LINGO1: variants seen among roughly 807,000 people sequenced by gnomAD.
LINGO1 encodes the protein leucine-rich repeat and immunoglobulin-like domain-containing nogo receptor-interacting protein 1.
A neutral mutation model predicts 37.3 loss-of-function variants in LINGO1; 11 were observed. The ratio of observed to expected loss-of-function variants is 0.29; its 90% CI spans 0.19 to 0.49. The LOEUF is 0.49. Among genes scored for constraint, LINGO1 ranks in the 20% least tolerant of loss-of-function variants. The pLI, the probability that LINGO1 is intolerant of heterozygous loss-of-function variation, is 0.99. For missense variants in LINGO1, 585 were observed against 878.2 expected, an observed-to-expected ratio of 0.67 and a Z score of 4.22; for synonymous variants, 387 against 403.0, an observed-to-expected ratio of 0.96 and a Z score of 0.48.
At chr15:77,669,888 T>C (rs926843872) in intron 3 of LINGO1, among the ~76,000 whole-genome samples, 2 of 152,144 alleles carry the variant, frequency 1.3e-5, no homozygotes, top group African/African-American at 4.8e-5. Flanking sequence ...TTGAAAACAC[T>C]TGTGCACAAA....
At chr15:77,796,821 C>T (rs565174717) in intron 1 of LINGO1, among the ~76,000 whole-genome samples, 19 of 152,292 alleles carry the variant, frequency 1.2e-4, no homozygotes, top group African/African-American at 4.3e-4. Flanking sequence ...AGCGATCCTC[C>T]CACCTCAGCC....
chr15:77,794,590 AT>A (rs370121489), intron 2 of LINGO1, among the ~76,000 whole-genome samples: 49,254 of 93,280 alleles, frequency 0.53, 13,318 homozygotes, highest in Non-Finnish European at 0.63. Context: ...ATATATATAT[AT>A]TTTTTTTTTT....
intron 1 of LINGO1, among the ~76,000 whole-genome samples, chr15:77,758,045 G>A (rs1402661983): frequency 6.6e-6 from 1 of 152,198 alleles, no homozygotes; most frequent in Non-Finnish European, 1.5e-5. Context: ...TTTCAGCAAA[G>A]TGAGGCTAAT....
rs529424062 is a variant in LINGO1 at position 77,631,745 on chromosome 15, A to T, written c.6+565T>A. The stretch of plus-strand genomic sequence containing the variant: ...CGTTCCTGGGCGCTCCCGGTCCCCA[A>T]CTCCCTTCCTTCCACTCTCCCTACT... On this transcript the variant is annotated intron_variant, in intron 1 of 1. Coordinates refer to ENST00000355300, the MANE Select transcript of LINGO1 (RefSeq NM_032808.7). 2.6e-5 allele frequency among the ~76,000 whole-genome samples: 4 copies of T among 152,160 alleles called. No homozygotes were observed. In the South Asian group the frequency reaches 8.3e-4, roughly 32 times the overall value.
chr15:77,636,204 G>T (rs2074392833), upstream of LINGO1, among the ~76,000 whole-genome samples: 1 of 152,188 alleles, frequency 6.6e-6, no homozygotes, highest in South Asian at 2.1e-4. Flanking sequence ...ACTCTGAGAG[G>T]CTGAGGAGGC....
At chr15:77,800,513 TCC>T (rs1356489104) in intron 1 of LINGO1, among the ~76,000 whole-genome samples, 2 of 151,770 alleles carry the variant, frequency 1.3e-5, no homozygotes, top group South Asian at 2.1e-4. Context: ...GGGCCACCCC[TCC>T]CCTCCCCCAG....
upstream of LINGO1, among the ~76,000 whole-genome samples, chr15:77,789,671 T>C (rs2076803097): frequency 6.6e-6 from 1 of 152,108 alleles, no homozygotes; most frequent in South Asian, 2.1e-4. Context: ...AATGTGGCCA[T>C]GTAAAGAGAC....
At chr15:77,660,061 C>G (rs2074954646) in intron 3 of LINGO1, 1 of 152,222 alleles carries the variant, frequency 6.6e-6, no homozygotes, top group African/African-American at 2.4e-5. Flanking sequence ...GATCATCAGA[C>G]CATTCTGAAG....
intron 3 of LINGO1, among the ~76,000 whole-genome samples, chr15:77,642,761 T>C (rs2074537582): frequency 6.6e-6 from 1 of 152,210 alleles, no homozygotes; most frequent in Non-Finnish European, 1.5e-5. Flanking sequence ...GGGCATTACT[T>C]CTGCAAGTGC....
chr15:77,711,861 T>C (rs1052969871), intron 2 of LINGO1, among the ~76,000 whole-genome samples: 7 of 147,120 alleles, frequency 4.8e-5, no homozygotes, highest in African/African-American at 1.7e-4. Context: ...TTACCCTCTC[T>C]AGGCCTCTGT....
At chr15:77,666,523 A>G (rs1307759874) in intron 3 of LINGO1, among the ~76,000 whole-genome samples, 1 of 152,156 alleles carries the variant, frequency 6.6e-6, no homozygotes, top group African/African-American at 2.4e-5. Context: ...ACAGGGGAAG[A>G]GATGCAGGTG....
At chr15:77,744,968 A>AT (rs970751259) in intron 1 of LINGO1, among the ~76,000 whole-genome samples, 1 of 151,428 alleles carries the variant, frequency 6.6e-6, no homozygotes, top group African/African-American at 2.4e-5. Context: ...AAAAAAAAAA[A>AT]ATAGCCGGGC....
intron 3 of LINGO1, among the ~76,000 whole-genome samples, chr15:77,669,183 T>C (rs954829075): frequency 1.3e-5 from 2 of 152,218 alleles, no homozygotes; most frequent in African/African-American, 2.4e-5. Flanking sequence ...GGCCATCCTG[T>C]CTCTCACCTG....
chr15:77,704,142 G>T (rs1177320395), intron 2 of LINGO1, among the ~76,000 whole-genome samples: 1 of 152,152 alleles, frequency 6.6e-6, no homozygotes, highest in Non-Finnish European at 1.5e-5. Flanking sequence ...CTCACACATG[G>T]CAAGTTCTGA....
intron 1 of LINGO1, among the ~76,000 whole-genome samples, chr15:77,616,112 G>T (rs936072962): frequency 1.1e-4 from 16 of 152,116 alleles, no homozygotes; most frequent in African/African-American, 3.9e-4. Flanking sequence ...CTTCCCAAAG[G>T]ACCCTCCCAG....
At chr15:77,814,600 A>C (rs1176142693) in intron 1 of LINGO1, among the ~76,000 whole-genome samples, 1 of 152,186 alleles carries the variant, frequency 6.6e-6, no homozygotes, top group East Asian at 1.9e-4. Flanking sequence ...CTTTACATGC[A>C]TTATTTCCAA....
intron 2 of LINGO1, among the ~76,000 whole-genome samples, chr15:77,680,818 C>T (rs1313304599): frequency 6.6e-6 from 1 of 152,206 alleles, no homozygotes; most frequent in Non-Finnish European, 1.5e-5. Context: ...AAAACTCCCG[C>T]AGGGCCTTGG....
intron 1 of LINGO1, among the ~76,000 whole-genome samples, chr15:77,630,597 C>T (rs1333742597): frequency 6.6e-6 from 1 of 152,218 alleles, no homozygotes; most frequent in East Asian, 1.9e-4. Context: ...CCCAGTCACA[C>T]AGGGCCCTTG....
chr15:77,685,012 T>TG (rs535057995), intron 2 of LINGO1, among the ~76,000 whole-genome samples: 1,159 of 76,902 alleles, frequency 0.015, 27 homozygotes, highest in African/African-American at 0.055. Context: ...CCTAGAAGGA[T>TG]GGGGGGTGTG....
Sources: gnomAD v4.1 joint callset for allele counts (sites outside exome capture counted in the v4.1 genomes callset) on GRCh38, gnomAD v4.1.1 for gene constraint, MANE v1.5 for transcripts, NCBI Gene and HGNC (gene_info 2026-07-23, HGNC 2026-07-21) for gene names.